RBFOX1: variants seen among roughly 807,000 people sequenced by gnomAD.
RBFOX1 encodes the protein RNA binding protein fox-1 homolog 1.
Under a neutral mutation model 57.7 loss-of-function variants are expected in RBFOX1, and 8 were observed. The observed-to-expected ratio is 0.14, with a 90% CI of 0.08 to 0.25. The LOEUF is 0.25. Among genes scored for constraint, RBFOX1 ranks in the 10% least tolerant of loss-of-function variants. RBFOX1 has a pLI of 1.00. For synonymous variants in RBFOX1, 326 were observed against 222.4 expected, an observed-to-expected ratio of 1.47 and a Z score of -4.15; for missense variants, 611 against 548.5, an observed-to-expected ratio of 1.11 and a Z score of -1.14.
intron 2 of RBFOX1, among the ~76,000 whole-genome samples, chr16:6,433,491 T>G (rs918574858): frequency 6.6e-6 from 1 of 152,192 alleles, no homozygotes; most frequent in Non-Finnish European, 1.5e-5. Context: ...TGAGATAGAC[T>G]CGCTATTCTC....
chr16:7,250,760 C>G (rs373473030), intron 4 of RBFOX1, among the ~76,000 whole-genome samples: 7 of 152,124 alleles, frequency 4.6e-5, no homozygotes, highest in African/African-American at 1.4e-4. Context: ...CTGTGTATGA[C>G]CTTTATGTCA....
downstream of RBFOX1, among the ~76,000 whole-genome samples, chr16:5,603,611 C>T (rs17138197): frequency 0.037 from 5,679 of 152,216 alleles, 250 homozygotes; most frequent in African/African-American, 0.11. Flanking sequence ...TTCTGCCCCT[C>T]GATACATCAA....
At chr16:6,201,018 G>GT (rs2097211687) in intron 1 of RBFOX1, among the ~76,000 whole-genome samples, 1 of 151,048 alleles carries the variant, frequency 6.6e-6, no homozygotes, top group Non-Finnish European at 1.5e-5. Context: ...TCGTTCCCTA[G>GT]TTTTTTTAGC....
rs2096675142 is a variant in RBFOX1, at chr16:6,532,663, C to G, written c.-63-121940C>G. Among the ~76,000 whole-genome samples, 4 of 152,170 alleles carry G rather than the reference C, an allele frequency of 2.6e-5. No homozygotes were observed. In the South Asian group the frequency reaches 8.3e-4, roughly 32 times the overall value. The stretch of plus-strand genomic sequence containing the variant: ...CGAGATTTCTTCCTGCACATGCACA[C>G]TCTGGACTGTGCACTTTTCTGCTCT... On this transcript the variant is annotated intron_variant, in intron 2 of 15. Coordinates refer to ENST00000550418, the MANE Select transcript of RBFOX1 (RefSeq NM_018723.4).
chr16:6,060,329 TGTCTAA>T, intron 1 of RBFOX1, among the ~76,000 whole-genome samples: 2 of 152,202 alleles, frequency 1.3e-5, no homozygotes, highest in Middle Eastern at 3.4e-3. Context: ...TAGCAGATAC[TGTCTAA>T]GTCTTACAGT....
chr16:6,723,494 T>A, intron 3 of RBFOX1, among the ~76,000 whole-genome samples: 1 of 152,236 alleles, frequency 6.6e-6, no homozygotes, highest in Admixed American at 6.5e-5. Flanking sequence ...GTAGAAAAAA[T>A]AATACAATTA....
chr16:6,346,492 C>G (rs2085389412), intron 2 of RBFOX1, among the ~76,000 whole-genome samples: 1 of 142,824 alleles, frequency 7.0e-6, no homozygotes, highest in African/African-American at 2.5e-5. Context: ...GGTACTGTTC[C>G]AACGAGGCAA....
chr16:7,657,119 C>CA, intron 12 of RBFOX1, among the ~76,000 whole-genome samples: 1 of 152,112 alleles, frequency 6.6e-6, no homozygotes, highest in Non-Finnish European at 1.5e-5. Context: ...AAATACCAGT[C>CA]AAAAAGGTGT....
At chr16:5,993,195 C>A (rs545483750) in intron 4 of RBFOX1, among the ~76,000 whole-genome samples, 1 of 152,186 alleles carries the variant, frequency 6.6e-6, no homozygotes, top group Non-Finnish European at 1.5e-5. Flanking sequence ...AGTAGCAACA[C>A]ATGGATGCAG....
intron 2 of RBFOX1, among the ~76,000 whole-genome samples, chr16:6,336,503 C>A (rs2083775575): frequency 6.6e-6 from 1 of 152,038 alleles, no homozygotes; most frequent in African/African-American, 2.4e-5. Flanking sequence ...ATTCTTCCTA[C>A]AGAGCTGATA....
intron 1 of RBFOX1, among the ~76,000 whole-genome samples, chr16:6,200,355 G>A (rs572422613): frequency 1.3e-5 from 2 of 152,070 alleles, no homozygotes; most frequent in African/African-American, 4.8e-5. Context: ...TTAAGCATCT[G>A]CGATGTAGTA....
At chr16:6,875,924 G>A (rs949296941) in intron 3 of RBFOX1, among the ~76,000 whole-genome samples, 9 of 152,156 alleles carry the variant, frequency 5.9e-5, no homozygotes, top group African/African-American at 1.7e-4. Flanking sequence ...CTTGAGCCGG[G>A]GAGGTGGAGG....
intron 2 of RBFOX1, among the ~76,000 whole-genome samples, chr16:6,606,291 C>G (rs1405483855): frequency 2.6e-5 from 4 of 152,068 alleles, no homozygotes; most frequent in African/African-American, 4.8e-5. Flanking sequence ...CCACTTCTTC[C>G]TGGAATTCAT....
chr16:5,367,938 C>T (rs2065764544), intron 1 of RBFOX1, among the ~76,000 whole-genome samples: 3 of 152,146 alleles, frequency 2.0e-5, no homozygotes, highest in Non-Finnish European at 4.4e-5. Flanking sequence ...ATGCACTTGA[C>T]CTTGGGTTGT....
chr16:7,463,679 G>T (rs540159544), intron 4 of RBFOX1, among the ~76,000 whole-genome samples: 1 of 152,244 alleles, frequency 6.6e-6, no homozygotes, highest in East Asian at 1.9e-4. Flanking sequence ...TGCCATGTAA[G>T]GTAACATATT....
chr16:7,282,629 G>C (rs2095568713), intron 4 of RBFOX1, among the ~76,000 whole-genome samples: 1 of 151,932 alleles, frequency 6.6e-6, no homozygotes, highest in South Asian at 2.1e-4. Flanking sequence ...GGTGGTGTTT[G>C]ATTTCATAAG....
chr16:7,433,335 G>A lies in RBFOX1; in HGVS notation c.28-84812G>A, dbSNP rs949658388. Among the ~76,000 whole-genome samples, 4 of 152,218 alleles carry A rather than the reference G, an allele frequency of 2.6e-5. No homozygotes were observed. The East Asian group carries it at 7.7e-4, about 29-fold the overall frequency. ...TGCATTCTCCACAATAAAGGCAGTA[G>A]TCTCTCTAAAGGAAATTCTCACTGA... On this transcript the variant is annotated intron_variant, in intron 4 of 15. Coordinates refer to ENST00000550418, the MANE Select transcript of RBFOX1 (RefSeq NM_018723.4).
At chr16:6,391,728 T>C (rs1386506237) in intron 2 of RBFOX1, among the ~76,000 whole-genome samples, 1 of 152,138 alleles carries the variant, frequency 6.6e-6, no homozygotes, top group East Asian at 1.9e-4. Context: ...AGAATTTATT[T>C]GTGGACCAGA....
chr16:7,163,796 G>A (rs970599537), intron 4 of RBFOX1, among the ~76,000 whole-genome samples: 1 of 152,010 alleles, frequency 6.6e-6, no homozygotes, highest in Non-Finnish European at 1.5e-5. Context: ...AGCTGGGACT[G>A]TAGGCGCATG....
Sources: allele counts gnomAD v4.1 joint callset (sites outside exome capture counted in the v4.1 genomes callset), GRCh38; gene constraint gnomAD v4.1.1; transcripts MANE v1.5; gene names NCBI Gene and HGNC (gene_info 2026-07-23, HGNC 2026-07-21).